The following DNAI4 variants were observed in gnomAD, a reference collection of about 807,000 sequenced individuals.
The protein encoded by DNAI4 is dynein axonemal intermediate chain 4, also known as WD repeat domain 78.
Under a neutral mutation model 105.8 loss-of-function variants are expected in DNAI4, and 85 were observed. That is an observed-to-expected ratio of 0.80 (90% CI 0.67 to 0.96). DNAI4 has a LOEUF of 0.96. Among genes scored for constraint, DNAI4 ranks in the 40% least tolerant of loss-of-function variants. The pLI, the probability that DNAI4 is intolerant of heterozygous loss-of-function variation, is 0.00. For synonymous variants in DNAI4, 352 were observed against 331.5 expected, an observed-to-expected ratio of 1.06 and a Z score of -0.67; for missense variants, 1,014 against 1,005.6, an observed-to-expected ratio of 1.01 and a Z score of -0.11.
intron 4 of DNAI4, among the ~76,000 whole-genome samples, chr1:66,880,555 C>A (rs566164864): frequency 6.6e-6 from 1 of 152,182 alleles, no homozygotes; most frequent in Non-Finnish European, 1.5e-5. Context: ...ATTCGTGGAA[C>A]TTGAACTTGA....
intron 4 of DNAI4, among the ~76,000 whole-genome samples, chr1:66,881,394 C>T: frequency 6.6e-6 from 1 of 152,212 alleles, no homozygotes; most frequent in Non-Finnish European, 1.5e-5. Context: ...CCTGAAAAGC[C>T]ACAGGGGTGG....
chr1:66,835,319 T>G (rs566222359), intron 11 of DNAI4, among the ~76,000 whole-genome samples: 1 of 152,170 alleles, frequency 6.6e-6, no homozygotes, highest in African/African-American at 2.4e-5. Context: ...TATGTATAGG[T>G]TGCACAAAAG....
At chr1:66,865,990 A>C (rs1237654212) in intron 6 of DNAI4, among the ~76,000 whole-genome samples, 1 of 152,154 alleles carries the variant, frequency 6.6e-6, no homozygotes, top group Non-Finnish European at 1.5e-5. Flanking sequence ...ATGGAGGCCT[A>C]CTGAAAAGGA....
chr1:66,846,083 A>G (rs545008925), intron 8 of DNAI4, among the ~76,000 whole-genome samples: 1 of 152,146 alleles, frequency 6.6e-6, no homozygotes, highest in South Asian at 2.1e-4. Context: ...GTGTTGAAAG[A>G]AGTGATGTGC....
At chr1:66,853,291 T>A (rs1646434636) in intron 7 of DNAI4, among the ~76,000 whole-genome samples, 1 of 152,210 alleles carries the variant, frequency 6.6e-6, no homozygotes, top group African/African-American at 2.4e-5. Flanking sequence ...CCCACAGGTT[T>A]ATGGATTGAC....
Position 66,884,450 on chromosome 1 carries a change from T to A in DNAI4, c.643+6704A>T, listed in dbSNP as rs374161917. The stretch of plus-strand genomic sequence containing the variant: ...ATTCCCATCAACAGTGTATAAGAGT[T>A]CCCTTCTTTTTCTGCATCTGATGAA... On this transcript the variant is annotated intron_variant, in intron 4 of 16. Coordinates refer to ENST00000371026, the MANE Select transcript of DNAI4 (RefSeq NM_024763.5). Among the ~76,000 whole-genome samples, 17 of 152,304 alleles carry A rather than the reference T, an allele frequency of 1.1e-4. No individual in the cohort carries two copies. The East Asian group carries it at 3.3e-3, about 29-fold the overall frequency.
At chr1:66,889,841 C>G (rs1647443805) in intron 4 of DNAI4, among the ~76,000 whole-genome samples, 1 of 152,170 alleles carries the variant, frequency 6.6e-6, no homozygotes, top group Non-Finnish European at 1.5e-5. Flanking sequence ...CCTACTTCTT[C>G]TCCAAACAAG....
chr1:66,863,614 A>C (rs1445106725), intron 6 of DNAI4, among the ~76,000 whole-genome samples: 1 of 151,842 alleles, frequency 6.6e-6, no homozygotes, highest in Non-Finnish European at 1.5e-5. Flanking sequence ...CACCCACACC[A>C]CGCCTGGCTA....
Position 66,874,862 on chromosome 1 carries a change from A to T in DNAI4, c.719T>A (p.Leu240His), listed in dbSNP as rs952007557. ...AAATCTCAGTGTTTCTGTCTCTGTG[A>T]GTATTATCTCTATATTCTTCTCCAG... ...EDLEKNIEII[L>H]TETETLRFFD... Residue 240 changes from leucine to histidine, a missense_variant, in exon 5 of 17, where the codon CTC (leucine) becomes CAC (histidine). Leu to His is a moderately conservative substitution (Grantham distance 99). Coordinates refer to ENST00000371026, the MANE Select transcript of DNAI4 (RefSeq NM_024763.5). 5.6e-6 allele frequency: 9 copies of T among 1,613,580 alleles called. No individual in the cohort carries two copies. The highest frequency in any genetic ancestry group is 7.6e-6 in the Non-Finnish European group (9 of 1,179,652).
intron 1 of DNAI4, among the ~76,000 whole-genome samples, chr1:66,915,648 CAA>C (rs891157190): frequency 4.6e-5 from 7 of 151,574 alleles, no homozygotes; most frequent in African/African-American, 1.7e-4. Context: ...GTAAAAATAA[CAA>C]AGAGTGTATC....
chr1:66,895,837 A>T (rs1032255387), intron 2 of DNAI4, among the ~76,000 whole-genome samples: 2 of 152,222 alleles, frequency 1.3e-5, no homozygotes, highest in Non-Finnish European at 2.9e-5. Flanking sequence ...TTAATGTGGT[A>T]AATTACACTA....
intron 1 of DNAI4, 40 bp downstream of exon 1, chr1:66,924,622 C>T: frequency 6.2e-7 from 1 of 1,614,132 alleles, no homozygotes; most frequent in Non-Finnish European, 8.5e-7. Flanking sequence ...CCCTCCGGGT[C>T]CCAGGGGGAT....
intron 1 of DNAI4, among the ~76,000 whole-genome samples, chr1:66,917,053 A>G (rs886429292): frequency 1.3e-5 from 2 of 152,224 alleles, no homozygotes; most frequent in African/African-American, 4.8e-5. Context: ...ATCCTTTAAG[A>G]TATTAGGTCC....
chr1:66,871,376 C>T lies in DNAI4; in HGVS notation c.934G>A (p.Asp312Asn), dbSNP rs1251568094. The T allele has an allele frequency of 2.5e-6, 4 of 1,604,712 alleles. No individual in the cohort carries two copies. In the East Asian group the frequency reaches 9.0e-5, roughly 36 times the overall value. The stretch of plus-strand genomic sequence containing the variant: ...GCAGAATGATAGAAATTACCTTTAT[C>T]TTCCATTATGATTTTATCACATTGA... ...DVQCDKIIME[D>N]KGIMSTAWDL... Residue 312 changes from aspartate to asparagine, a missense_variant, in exon 6 of 17, where the codon GAT (aspartate) becomes AAT (asparagine). Transcript: ENST00000371026.
Position 66,890,846 on chromosome 1 carries a change from G to A in DNAI4, c.643+308C>T. On this transcript the variant is annotated intron_variant, in intron 4 of 16. Coordinates refer to ENST00000371026, the MANE Select transcript of DNAI4 (RefSeq NM_024763.5). This position sits in a 1 kb window ranked among gnomAD's most constrained non-coding sequence, Gnocchi z 4.1. ...AAAAGAGGAAGAGGAAGAAAAGGAA[G>A]AGGAAGAAGAAGAGGAAGAGGAAGA... is the stretch of plus-strand genomic sequence containing the variant. 1 of 389,006 alleles carries A rather than the reference G, an allele frequency of 2.6e-6. No individual in the cohort carries two copies. Among genetic ancestry groups the A allele is most frequent in the Non-Finnish European group, 4.7e-6 (1 of 213,976 alleles). The allele number at this position is 389,006 out of a possible 1,614,324, so 24.1% of individuals were successfully genotyped here. A position where few individuals can be genotyped will look rare whatever the true frequency, so the allele number is the denominator to read the frequency against.
chr1:66,895,200 G>A (rs1189547103), intron 2 of DNAI4, among the ~76,000 whole-genome samples: 1 of 152,184 alleles, frequency 6.6e-6, no homozygotes, highest in Non-Finnish European at 1.5e-5. Flanking sequence ...ATTTTTGGAT[G>A]GGCACAGTGG....
intron 1 of DNAI4, among the ~76,000 whole-genome samples, chr1:66,906,026 C>A (rs550366572): frequency 2.1e-5 from 3 of 144,008 alleles, no homozygotes; most frequent in African/African-American, 7.7e-5. Context: ...TGGGTTCAAG[C>A]GATTCTTCTG....
chr1:66,836,310 A>G lies in DNAI4; in HGVS notation c.1582-533T>C, dbSNP rs545495640. 5.0e-4 allele frequency among the ~76,000 whole-genome samples: 72 copies of G among 145,016 alleles called. 1 individual carries two copies. The highest frequency in any genetic ancestry group is 2.4e-3 in the South Asian group (11 of 4,634). The stretch of plus-strand genomic sequence containing the variant: ...AAAGAAAGAAAGAAAGAAAGAAAGA[A>G]AGAAAGAAAGAAAGAAGGAAAGAGG... On this transcript the variant is annotated intron_variant, in intron 10 of 16. Transcript: ENST00000371026.
chr1:66,833,373 T>A (rs1452723150), intron 13 of DNAI4, among the ~76,000 whole-genome samples: 1 of 152,106 alleles, frequency 6.6e-6, no homozygotes, highest in African/African-American at 2.4e-5. Context: ...TCTATTATCA[T>A]TAGTAAGTCA....
Sources: allele counts gnomAD v4.1 joint callset (sites outside exome capture counted in the v4.1 genomes callset), GRCh38; gene constraint gnomAD v4.1.1; non-coding constraint Gnocchi (gnomAD v3.1); transcripts MANE v1.5; gene names NCBI Gene and HGNC (gene_info 2026-07-23, HGNC 2026-07-21).